The following DOP1B variants were observed in gnomAD, a reference collection of about 807,000 sequenced individuals.
DOP1B encodes DOP1 leucine zipper like protein B.
In DOP1B, 174 loss-of-function variants were observed where a neutral mutation model predicts 233.5. The ratio of observed to expected loss-of-function variants is 0.75; its 90% CI spans 0.66 to 0.85. The LOEUF is 0.85. Ranked by LOEUF, DOP1B falls within the 40% of genes least tolerant of loss-of-function variation. DOP1B has a pLI of 0.00. For missense variants in DOP1B, 2,652 were observed against 2,846.6 expected, an observed-to-expected ratio of 0.93 and a Z score of 1.56; for synonymous variants, 1,190 against 1,185.6, an observed-to-expected ratio of 1.00 and a Z score of -0.08.
rs7281773 is a variant in DOP1B, at chr21:36,157,838, G to A, written c.-27+895G>A. The stretch of plus-strand genomic sequence containing the variant: ...CTAAATGTTTTTGCTTATGTGGTAG[G>A]GTCACTGTCCTCATTTTCATCGAAC... On this transcript the variant is annotated intron_variant, in intron 1 of 36. Coordinates refer to ENST00000691173, the MANE Select transcript of DOP1B (RefSeq NM_001320714.2). 9.7e-3 allele frequency among the ~76,000 whole-genome samples: 1,483 copies of A among 152,150 alleles called. 26 individuals are homozygous for A. Among genetic ancestry groups the A allele is most frequent in the African/African-American group, 0.034 (1,390 of 41,486 alleles).
chr21:36,211,962 T>C lies in DOP1B; in HGVS notation c.781-12T>C, dbSNP rs756390439. The stretch of plus-strand genomic sequence containing the variant: ...CATTCCCTTGCAGTAAATTTCTCTG[T>C]CCTTCTAATAGGATTCCAATGAGAG... On this transcript the variant is annotated splice_polypyrimidine_tract_variant and intron_variant, in intron 6 of 36. Coordinates refer to ENST00000691173, the MANE Select transcript of DOP1B (RefSeq NM_001320714.2). 6.2e-7 allele frequency: 1 copy of C among 1,613,804 alleles called. No homozygotes were observed. The highest frequency in any genetic ancestry group is 2.2e-5 in the East Asian group (1 of 44,872).
intron 9 of DOP1B, among the ~76,000 whole-genome samples, chr21:36,215,196 A>G (rs1240881822): frequency 2.0e-5 from 3 of 152,174 alleles, no homozygotes; most frequent in African/African-American, 4.8e-5. Context: ...TCAATTAAGT[A>G]GGGGACCCCG....
At chr21:36,208,610 C>A in intron 4 of DOP1B, 105 bp from the exon 5 acceptor site, 1 of 1,255,752 alleles carries the variant, frequency 8.0e-7, no homozygotes, top group Non-Finnish European at 1.1e-6. Context: ...CTTCCCCAGC[C>A]AGGCGAATCC....
chr21:36,216,977 A>G (rs1471312125), intron 9 of DOP1B, among the ~76,000 whole-genome samples: 1 of 151,200 alleles, frequency 6.6e-6, no homozygotes, highest in Non-Finnish European at 1.5e-5. Flanking sequence ...TGGGAGGCTG[A>G]GGCACAAGAA....
chr21:36,237,565 A>G (rs2066842697), intron 16 of DOP1B, 151 bp downstream of exon 16: 1 of 1,043,184 alleles, frequency 9.6e-7, no homozygotes, highest in Non-Finnish European at 1.4e-6. Context: ...CTAGGATTTC[A>G]GTACTGGAAG....
At chr21:36,218,550 TA>T (rs1012781829) in intron 9 of DOP1B, among the ~76,000 whole-genome samples, 3 of 151,858 alleles carry the variant, frequency 2.0e-5, no homozygotes, top group African/African-American at 7.3e-5. Flanking sequence ...AATTCTATCT[TA>T]AAAAAAATAC....
intron 14 of DOP1B, among the ~76,000 whole-genome samples, chr21:36,231,753 C>T (rs2066767879): frequency 6.6e-6 from 1 of 150,676 alleles, no homozygotes; most frequent in African/African-American, 2.4e-5. Context: ...ACTCAGCTCA[C>T]TGCAACCTCC....
intron 27 of DOP1B, among the ~76,000 whole-genome samples, chr21:36,275,636 A>T (rs1048397254): frequency 5.2e-4 from 76 of 145,092 alleles, no homozygotes; most frequent in Middle Eastern, 7.4e-3. Flanking sequence ...AAAAAAAAAG[A>T]ATTATGTTGG....
At chr21:36,222,821 C>T (rs1179624258) in intron 10 of DOP1B, among the ~76,000 whole-genome samples, 10 of 151,934 alleles carry the variant, frequency 6.6e-5, no homozygotes, top group Admixed American at 3.9e-4. Context: ...CTGCAACCTC[C>T]GCCTCCCAGG....
At chr21:36,260,199 A>C (rs1009116458) in intron 23 of DOP1B, among the ~76,000 whole-genome samples, 2 of 147,700 alleles carry the variant, frequency 1.4e-5, no homozygotes, top group Non-Finnish European at 3.0e-5. Flanking sequence ...AGAAAGAAAA[A>C]GGAAAGGGAA....
At chr21:36,198,019 C>CAA (rs59815539) in intron 2 of DOP1B, among the ~76,000 whole-genome samples, 1,271 of 108,388 alleles carry the variant, frequency 0.012, 26 homozygotes, top group African/African-American at 0.038. Context: ...GACTCCGTCT[C>CAA]AAAAAAAAAA....
Position 36,245,037 on chromosome 21 carries a change from G to C in DOP1B, c.3068-11G>C. On this transcript the variant is annotated splice_polypyrimidine_tract_variant and intron_variant, in intron 18 of 36. Coordinates refer to ENST00000691173, the MANE Select transcript of DOP1B (RefSeq NM_001320714.2). The surrounding 1 kb of genome is among the most constrained non-coding windows in gnomAD (Gnocchi z 5.5). ...TCTGTCTAAAGTCATTTGTCATCTT[G>C]TAATTTTCAGATGACTTGCACCGTT... The C allele has an allele frequency of 6.3e-7, 1 of 1,583,194 alleles. No individual in the cohort carries two copies. The highest frequency in any genetic ancestry group is 1.1e-5 in the South Asian group (1 of 88,542).
intron 24 of DOP1B, 48 bp downstream of exon 24, chr21:36,260,780 A>T (rs1411995882): frequency 1.2e-6 from 2 of 1,608,282 alleles, no homozygotes; most frequent in Non-Finnish European, 1.7e-6. Flanking sequence ...TACAGATGCT[A>T]TTGCAGTGAG....
At chr21:36,255,450 A>G (rs1049253935) in intron 23 of DOP1B, among the ~76,000 whole-genome samples, 1 of 149,200 alleles carries the variant, frequency 6.7e-6, no homozygotes, top group Non-Finnish European at 1.5e-5. Context: ...TTTTTTTTAA[A>G]ACTTTTTTTT....
intron 2 of DOP1B, among the ~76,000 whole-genome samples, chr21:36,192,234 C>T (rs1231594181): frequency 1.3e-5 from 2 of 151,924 alleles, no homozygotes; most frequent in African/African-American, 4.8e-5. Context: ...TGGTATACGC[C>T]TGTAGTTCCA....
In DOP1B at chr21:36,164,625, C is replaced by G. The variant is rs375181209; in HGVS notation, c.-26-83C>G. The G allele has an allele frequency of 2.3e-5, 26 of 1,113,278 alleles. 1 individual carries two copies. The East Asian group carries it at 3.4e-4, about 15-fold the overall frequency. 69.0% of individuals were successfully genotyped at this position (1,113,278 alleles called of 1,614,324 possible). On this transcript the variant is annotated intron_variant, in intron 1 of 36. Transcript: ENST00000691173. Reference sequence around the variant, plus strand: ...TTGTGCACAGTTGTGTTTGTGGACACGTGTCTTCTGTAGCTCTGGGTTGGG... The same window carrying G: ...TTGTGCACAGTTGTGTTTGTGGACAGGTGTCTTCTGTAGCTCTGGGTTGGG...
chr21:36,224,578 T>C (rs553477986), intron 11 of DOP1B, among the ~76,000 whole-genome samples: 5 of 152,016 alleles, frequency 3.3e-5, no homozygotes, highest in Admixed American at 3.3e-4. Context: ...CATCCCAGAG[T>C]TAATCCCTGT....
intron 4 of DOP1B, 28 bp from the exon 5 acceptor site, chr21:36,208,687 C>G (rs1423048559): frequency 6.2e-7 from 1 of 1,605,890 alleles, no homozygotes; most frequent in Non-Finnish European, 8.5e-7. Flanking sequence ...GGGGCGAGCC[C>G]TTGAACCCTA....
chr21:36,262,904 A>AAAAT lies in DOP1B; in HGVS notation c.5316-622_5316-619dup, dbSNP rs566753087. ...AGACTCTATCTTAAAAAACAATAATAAAATAAATAAATAAATAAATAAAAT... is the reference window on the plus strand; with the variant it reads ...AGACTCTATCTTAAAAAACAATAATAAAATAAATAAATAAATAAATAAATAAAAT... On this transcript the variant is annotated intron_variant, in intron 24 of 36. Transcript: ENST00000691173. Among the ~76,000 whole-genome samples, 1,400 of 143,766 alleles carry AAAAT rather than the reference A, an allele frequency of 9.7e-3. 15 individuals are homozygous for AAAAT. Among genetic ancestry groups the AAAAT allele is most frequent in the East Asian group, 0.052 (268 of 5,128 alleles). 94.3% of individuals were successfully genotyped at this position (143,766 alleles called of 152,430 possible). A position where few individuals can be genotyped will look rare whatever the true frequency, so the allele number is the denominator to read the frequency against.
Sources: gnomAD v4.1 joint callset for allele counts (sites outside exome capture counted in the v4.1 genomes callset) on GRCh38, gnomAD v4.1.1 for gene constraint, Gnocchi (gnomAD v3.1) non-coding constraint, MANE v1.5 for transcripts, NCBI Gene and HGNC (gene_info 2026-07-23, HGNC 2026-07-21) for gene names.